NFE2L2: variants seen among roughly 807,000 people sequenced by gnomAD.
NFE2L2 encodes nuclear factor erythroid 2-related factor 2.
Under a neutral mutation model 49.6 loss-of-function variants are expected in NFE2L2, and 20 were observed. That is an observed-to-expected ratio of 0.40 (90% CI 0.28 to 0.59). The LOEUF is 0.59. NFE2L2 is among the 20% of genes least tolerant of loss of function. The pLI is 0.40. For synonymous variants in NFE2L2, 244 were observed against 256.5 expected (o/e 0.95, Z 0.47); for missense variants, 578 against 714.2 (o/e 0.81, Z 2.17).
At chr2:177,239,543 G>A (rs1007034512) in intron 1 of NFE2L2, among the ~76,000 whole-genome samples, 1 of 152,098 alleles carries the variant, frequency 6.6e-6, no homozygotes, top group African/African-American at 2.4e-5. Flanking sequence ...CGGGCGTGGT[G>A]GCATGTGCCT....
At chr2:177,254,800 C>T (rs1471330055) in intron 1 of NFE2L2, among the ~76,000 whole-genome samples, 1 of 152,202 alleles carries the variant, frequency 6.6e-6, no homozygotes, top group Non-Finnish European at 1.5e-5. Context: ...GGATTATGGA[C>T]AGTCAAAATC....
intron 1 of NFE2L2, among the ~76,000 whole-genome samples, chr2:177,235,831 A>C (rs1482300415): frequency 2.0e-5 from 3 of 152,208 alleles, no homozygotes; most frequent in African/African-American, 7.2e-5. Context: ...CACACACACA[A>C]AAAGATACAT....
intron 1 of NFE2L2, 184 bp downstream of exon 1, chr2:177,264,348 C>A (rs1017368870): frequency 1.8e-6 from 1 of 546,906 alleles, no homozygotes; most frequent in African/African-American, 2.0e-5. Flanking sequence ...CACCCGGCCG[C>A]GTCCCCGCTG....
At chr2:177,263,262 A>C in intron 1 of NFE2L2, 1 of 617,832 alleles carries the variant, frequency 1.6e-6, no homozygotes, top group Non-Finnish European at 2.0e-6. Flanking sequence ...AAGAGGGGGA[A>C]CATGTTAAGA....
chr2:177,233,897 TTAAG>T, intron 2 of NFE2L2, 104 bp downstream of exon 2: 4 of 1,436,630 alleles, frequency 2.8e-6, no homozygotes, highest in Non-Finnish European at 3.7e-6. Context: ...TTTGACAAGG[TTAAG>T]TAAAAGAAAG....
At chr2:177,262,887 T>C (rs1352615767) in intron 1 of NFE2L2, among the ~76,000 whole-genome samples, 2 of 152,188 alleles carry the variant, frequency 1.3e-5, no homozygotes, top group African/African-American at 4.8e-5. Flanking sequence ...AATTCTTCAC[T>C]AGTTGGAACC....
intron 1 of NFE2L2, among the ~76,000 whole-genome samples, chr2:177,236,746 T>G (rs1689764470): frequency 6.6e-6 from 1 of 152,258 alleles, no homozygotes; most frequent in African/African-American, 2.4e-5. Context: ...AACTCATCCC[T>G]GGATTACTTA....
chr2:177,242,894 G>GTTTT (rs1452933700), intron 1 of NFE2L2, among the ~76,000 whole-genome samples: 2 of 150,502 alleles, frequency 1.3e-5, no homozygotes, highest in African/African-American at 4.9e-5. Flanking sequence ...CCCCAAGGAG[G>GTTTT]TTTTGTTTTT....
At chr2:177,258,921 G>C (rs1690626922) in intron 1 of NFE2L2, among the ~76,000 whole-genome samples, 1 of 152,216 alleles carries the variant, frequency 6.6e-6, no homozygotes, top group African/African-American at 2.4e-5. Context: ...TGGCTATTTA[G>C]CATTGTCTTA....
intron 1 of NFE2L2, among the ~76,000 whole-genome samples, chr2:177,235,031 G>A (rs184364316): frequency 2.0e-5 from 3 of 150,912 alleles, no homozygotes; most frequent in South Asian, 2.1e-4. Flanking sequence ...CAGGAGAATC[G>A]GCTTGAACCT....
intron 1 of NFE2L2, chr2:177,263,659 G>A (rs1159424908): frequency 3.0e-6 from 3 of 985,372 alleles, no homozygotes; most frequent in Non-Finnish European, 1.2e-6. Context: ...GCGCCACCAG[G>A]GGGCACCGCG....
rs753898838 is a variant in NFE2L2, at chr2:177,230,746, C to A, written c.*39G>T. 2 of 1,532,594 alleles carry A rather than the reference C, an allele frequency of 1.3e-6. No individual in the cohort carries two copies. The highest frequency in any genetic ancestry group is 4.6e-5 in the Admixed American group (2 of 43,278). The allele number at this position is 1,532,594 out of a possible 1,614,324, so 94.9% of individuals were successfully genotyped here. On this transcript the variant is annotated 3_prime_UTR_variant, in exon 5 of 5. Coordinates refer to ENST00000397062, the MANE Select transcript of NFE2L2 (RefSeq NM_006164.5). ...AGTAGGAGCTTTTAGTATAATAGTA[C>A]AAAAAAACTAGCTCAGAAAAGGTCA...
At chr2:177,248,935 A>C (rs976056735) in intron 1 of NFE2L2, among the ~76,000 whole-genome samples, 13 of 152,096 alleles carry the variant, frequency 8.5e-5, no homozygotes, top group African/African-American at 2.9e-4. Flanking sequence ...AAAACTGCCA[A>C]AACAGGCATG....
intron 1 of NFE2L2, among the ~76,000 whole-genome samples, chr2:177,235,534 T>C (rs1689718534): frequency 6.6e-6 from 1 of 151,774 alleles, no homozygotes; most frequent in Non-Finnish European, 1.5e-5. Flanking sequence ...GAGGGAATGG[T>C]TTTGATGAGG....
intron 1 of NFE2L2, among the ~76,000 whole-genome samples, chr2:177,257,610 G>A (rs1690572968): frequency 6.6e-6 from 1 of 152,190 alleles, no homozygotes; most frequent in African/African-American, 2.4e-5. Context: ...TACTTCAATG[G>A]ATACCAAGCA....
chr2:177,249,572 A>G (rs915532020), intron 1 of NFE2L2, among the ~76,000 whole-genome samples: 2 of 152,246 alleles, frequency 1.3e-5, no homozygotes, highest in African/African-American at 4.8e-5. Context: ...AATGCAATCC[A>G]CATGGGTAAT....
rs568571467 is a variant in NFE2L2 at position 177,232,686 on chromosome 2, GTCTC to G, written c.403-107_403-104del. On this transcript the variant is annotated intron_variant, in intron 3 of 4. Coordinates refer to ENST00000397062, the MANE Select transcript of NFE2L2 (RefSeq NM_006164.5). ...AAAATGGAATCAGCTGCAGTTCTGTGTCTCTCTACTTACTAACCAGTCATGACCC... is the reference window on the plus strand; with the variant it reads ...AAAATGGAATCAGCTGCAGTTCTGTGTCTACTTACTAACCAGTCATGACCC... 1.4e-4 allele frequency: 157 copies of G among 1,131,104 alleles called. 1 individual carries two copies. The South Asian group carries it at 2.3e-3, about 17-fold the overall frequency. 70.1% of individuals were successfully genotyped at this position (1,131,104 alleles called of 1,614,324 possible).
chr2:177,262,561 A>C (rs189669687), intron 1 of NFE2L2, among the ~76,000 whole-genome samples: 1 of 152,370 alleles, frequency 6.6e-6, no homozygotes, highest in East Asian at 1.9e-4. Flanking sequence ...AATCAATTCT[A>C]AATTTTCTTG....
At chr2:177,233,903 AAAAG>A (rs1689649208) in intron 2 of NFE2L2, 98 bp downstream of exon 2, 1 of 1,475,160 alleles carries the variant, frequency 6.8e-7, no homozygotes, top group African/African-American at 1.4e-5. Flanking sequence ...AAGGTTAAGT[AAAAG>A]AAAGGCAAAG....
Sources: allele counts gnomAD v4.1 joint callset (sites outside exome capture counted in the v4.1 genomes callset), GRCh38; gene constraint gnomAD v4.1.1; transcripts MANE v1.5; gene names NCBI Gene and HGNC (gene_info 2026-07-23, HGNC 2026-07-21).